NBAS: variants seen among roughly 807,000 people sequenced by gnomAD.
NBAS encodes the protein NAG/BC035112 fusion.
NBAS carries 219 observed loss-of-function variants against 302.5 expected under a neutral mutation model. The observed-to-expected ratio is 0.72, with a 90% CI of 0.65 to 0.81. The LOEUF is 0.81. NBAS is among the 30% of genes least tolerant of loss of function. The pLI, the probability that NBAS is intolerant of heterozygous loss-of-function variation, is 0.00. For synonymous variants in NBAS, 1,118 were observed against 1,021.6 expected (o/e 1.09, Z -1.80); for missense variants, 2,932 against 2,841.6 (o/e 1.03, Z -0.72).
chr2:15,022,945 ATTTT>A, the NBAS span, among the ~76,000 whole-genome samples: 1 of 149,406 alleles, frequency 6.7e-6, no homozygotes, highest in African/African-American at 2.5e-5. Flanking sequence ...GTTTTTTTTT[ATTTT>A]TTTTTGTTTG....
the NBAS span, among the ~76,000 whole-genome samples, chr2:15,120,287 C>A: frequency 6.6e-6 from 1 of 152,122 alleles, no homozygotes; most frequent in Non-Finnish European, 1.5e-5. Context: ...TTGGTAAATT[C>A]TTTATTGCAT....
chr2:15,137,649 T>A, the NBAS span, among the ~76,000 whole-genome samples: 1 of 152,200 alleles, frequency 6.6e-6, no homozygotes, highest in Non-Finnish European at 1.5e-5. Context: ...ACTTTACATT[T>A]TTATAACAAA....
At chr2:15,191,643 T>G (rs570777885) in intron 48 of NBAS, among the ~76,000 whole-genome samples, 2 of 152,258 alleles carry the variant, frequency 1.3e-5, no homozygotes, top group East Asian at 3.9e-4. Context: ...ACCATCCCGG[T>G]GGCACGACTA....
At chr2:15,499,953 C>G (rs1661429667) in intron 11 of NBAS, among the ~76,000 whole-genome samples, 1 of 152,176 alleles carries the variant, frequency 6.6e-6, no homozygotes, top group Non-Finnish European at 1.5e-5. Context: ...GCAATCCACT[C>G]TATTCCACTA....
At chr2:15,156,287 A>T in the NBAS span, among the ~76,000 whole-genome samples, 2 of 152,026 alleles carry the variant, frequency 1.3e-5, no homozygotes, top group African/African-American at 4.8e-5. Flanking sequence ...GCAGGTGGGG[A>T]GATGGGAGCA....
At chr2:15,031,728 G>C in the NBAS span, among the ~76,000 whole-genome samples, 1 of 152,228 alleles carries the variant, frequency 6.6e-6, no homozygotes, top group Non-Finnish European at 1.5e-5. Context: ...AAGGCCTGTG[G>C]CTGACTAGCT....
chr2:15,064,657 T>C, the NBAS span, among the ~76,000 whole-genome samples: 5 of 152,148 alleles, frequency 3.3e-5, no homozygotes, highest in Non-Finnish European at 5.9e-5. Flanking sequence ...ATAATTAAAA[T>C]CAATTCTTCT....
At chr2:14,874,435 T>G in the NBAS span, among the ~76,000 whole-genome samples, 12 of 146,968 alleles carry the variant, frequency 8.2e-5, no homozygotes, top group East Asian at 2.0e-3. Flanking sequence ...GACTATCCTG[T>G]CTAACATGGT....
intron 44 of NBAS, among the ~76,000 whole-genome samples, chr2:15,240,761 C>A (rs1450257705): frequency 1.3e-5 from 2 of 152,150 alleles, no homozygotes; most frequent in Non-Finnish European, 2.9e-5. Context: ...TCCGTAGTCC[C>A]CACTTCTTAC....
intron 21 of NBAS, among the ~76,000 whole-genome samples, chr2:15,444,271 A>AACCAAAACAGCATGGTATTGGT: frequency 1.3e-5 from 2 of 152,204 alleles, no homozygotes; most frequent in African/African-American, 4.8e-5. Flanking sequence ...AGGCTACAGT[A>AACCAAAACAGCATGGTATTGGT]ACCAAAACAG....
At chr2:15,166,275 A>C (rs73194919), downstream of NBAS, among the ~76,000 whole-genome samples, 1,325 of 152,292 alleles carry the variant, frequency 8.7e-3, 14 homozygotes, top group African/African-American at 0.03. Context: ...ATAAGTGTGC[A>C]TGCTGGCTCT....
At chr2:15,546,800 A>C (rs1664140313) in intron 6 of NBAS, among the ~76,000 whole-genome samples, 1 of 152,206 alleles carries the variant, frequency 6.6e-6, no homozygotes, top group South Asian at 2.1e-4. Context: ...ATGTCAACAC[A>C]CAGAGAAAAT....
In NBAS at chr2:15,561,060, C is replaced by T. The variant is rs993781414; in HGVS notation, c.117+128G>A. 51 of 824,460 alleles carry T rather than the reference C, an allele frequency of 6.2e-5. No individual in the cohort carries two copies. In the African/African-American group the frequency reaches 7.9e-4, roughly 13 times the overall value. 51.1% of individuals were successfully genotyped at this position (824,460 alleles called of 1,614,324 possible). Reference sequence around the variant, plus strand: ...CCCAAGGTGCCGTTGCCAAGGCGACCGCACAAGCCAACCGGCCCTAGTCCC... The same window carrying T: ...CCCAAGGTGCCGTTGCCAAGGCGACTGCACAAGCCAACCGGCCCTAGTCCC... On this transcript the variant is annotated intron_variant, in intron 1 of 51. Transcript: ENST00000281513.
chr2:15,414,029 T>C (rs554475565), intron 25 of NBAS, among the ~76,000 whole-genome samples: 1 of 152,330 alleles, frequency 6.6e-6, no homozygotes, highest in East Asian at 1.9e-4. Flanking sequence ...TTCTTCCTCA[T>C]AAAACATTCA....
At position 15,275,552 on chromosome 2, in the gene NBAS, G is replaced by A. The variant is rs769915990; in HGVS notation, c.5656C>T (p.Arg1886Cys). The A allele has an allele frequency of 5.6e-6, 9 of 1,613,850 alleles. No individual in the cohort carries two copies. The highest frequency in any genetic ancestry group is 1.6e-4 in the Middle Eastern group (1 of 6,080). The change falls in exon 44 of 52, where the codon CGT (arginine) becomes TGT (cysteine). Residue 1886 changes from arginine to cysteine, a missense_variant. Arg to Cys is a radical substitution (Grantham distance 180). Coordinates refer to ENST00000281513, the MANE Select transcript of NBAS (RefSeq NM_015909.4). ...AYDVCMKYFD[R>C]LHPGDLITVV... ...GTGATGAGGTCACCTGGGTGGAGAC[G>A]ATCAAAGTACTTCATGCAGACATCA...
At chr2:15,053,695 G>T in the NBAS span, among the ~76,000 whole-genome samples, 9 of 151,708 alleles carry the variant, frequency 5.9e-5, no homozygotes, top group Admixed American at 4.6e-4. Flanking sequence ...AAGAAGCCTA[G>T]GGCACGTCCA....
chr2:14,965,904 C>T, the NBAS span, among the ~76,000 whole-genome samples: 20 of 152,220 alleles, frequency 1.3e-4, no homozygotes, highest in African/African-American at 4.6e-4. Context: ...AATGTGACTT[C>T]ATTTAGAAAT....
At chr2:15,168,215 T>G (rs764901378) in intron 51 of NBAS, among the ~76,000 whole-genome samples, 3 of 152,234 alleles carry the variant, frequency 2.0e-5, no homozygotes, top group Non-Finnish European at 4.4e-5. Flanking sequence ...TTTAATAATT[T>G]GGATTGTAGG....
the NBAS span, among the ~76,000 whole-genome samples, chr2:14,815,965 C>A: frequency 6.6e-6 from 1 of 152,188 alleles, no homozygotes; most frequent in Non-Finnish European, 1.5e-5. Context: ...ATCTAGCCCC[C>A]CTTTTTCTCT....
Sources: allele counts gnomAD v4.1 joint callset (sites outside exome capture counted in the v4.1 genomes callset), GRCh38; gene constraint gnomAD v4.1.1; transcripts MANE v1.5; gene names NCBI Gene and HGNC (gene_info 2026-07-23, HGNC 2026-07-21).